Variants in HDAC9 observed in about 807,000 individuals in gnomAD.
HDAC9 encodes the protein MEF-2 interacting transcription repressor (MITR) protein.
Under a neutral mutation model 139.4 loss-of-function variants are expected in HDAC9, and 41 were observed. The ratio of observed to expected loss-of-function variants is 0.29; its 90% CI spans 0.23 to 0.38. HDAC9 has a LOEUF of 0.38. Among genes scored for constraint, HDAC9 ranks in the 10% least tolerant of loss-of-function variants. The pLI, the probability that HDAC9 is intolerant of heterozygous loss-of-function variation, is 1.00. For synonymous variants in HDAC9, 517 were observed against 476.2 expected (o/e 1.09, Z -1.12); for missense variants, 1,147 against 1,297.0 (o/e 0.88, Z 1.78).
chr7:18,307,274 C>A (rs1798987285), intron 1 of HDAC9, among the ~76,000 whole-genome samples: 1 of 151,984 alleles, frequency 6.6e-6, no homozygotes, highest in Non-Finnish European at 1.5e-5. Context: ...AACATTTATA[C>A]CTGTTAATCC....
chr7:18,779,553 G>C (rs1025403096), intron 16 of HDAC9, among the ~76,000 whole-genome samples: 1 of 151,968 alleles, frequency 6.6e-6, no homozygotes, highest in Non-Finnish European at 1.5e-5. Context: ...TATTTTAGAA[G>C]TATCCTGCCC....
At chr7:18,410,942 T>C (rs922493850) in intron 1 of HDAC9, among the ~76,000 whole-genome samples, 6 of 152,202 alleles carry the variant, frequency 3.9e-5, no homozygotes, top group African/African-American at 1.4e-4. Context: ...GTAAAAAAAA[T>C]AGCCTTATAG....
At chr7:18,741,730 A>G (rs1787479716) in intron 13 of HDAC9, among the ~76,000 whole-genome samples, 1 of 152,230 alleles carries the variant, frequency 6.6e-6, no homozygotes, top group East Asian at 1.9e-4. Context: ...AGCAATGTAC[A>G]TTGAAACCTT....
intron 23 of HDAC9, 64 bp downstream of exon 23, chr7:18,936,006 T>G (rs2129310127): frequency 2.0e-6 from 3 of 1,498,542 alleles, no homozygotes; most frequent in Middle Eastern, 3.6e-4. Flanking sequence ...TGCATATTTT[T>G]AAACTAAAAA....
intron 2 of HDAC9, among the ~76,000 whole-genome samples, chr7:18,200,800 A>T (rs1173322217): frequency 6.6e-6 from 1 of 152,036 alleles, no homozygotes; most frequent in African/African-American, 2.4e-5. Context: ...CGTTATTATA[A>T]TTTTTTCCCT....
intron 2 of HDAC9, among the ~76,000 whole-genome samples, chr7:18,271,955 G>A (rs1453707498): frequency 6.6e-6 from 1 of 152,146 alleles, no homozygotes; most frequent in Non-Finnish European, 1.5e-5. Context: ...ACATCTTTGA[G>A]AGGAAAGAGT....
At chr7:18,372,219 A>C (rs1302406017) in intron 1 of HDAC9, among the ~76,000 whole-genome samples, 1 of 152,228 alleles carries the variant, frequency 6.6e-6, no homozygotes, top group Non-Finnish European at 1.5e-5. Flanking sequence ...TGAGCTAGGC[A>C]GATTGAACAG....
chr7:18,455,899 A>G (rs962782263), intron 1 of HDAC9, among the ~76,000 whole-genome samples: 7 of 152,220 alleles, frequency 4.6e-5, no homozygotes, highest in African/African-American at 1.7e-4. Context: ...GCCAACCTTG[A>G]CATCAGCTAT....
intron 1 of HDAC9, among the ~76,000 whole-genome samples, chr7:18,473,863 T>C (rs1794912166): frequency 6.6e-6 from 1 of 152,212 alleles, no homozygotes; most frequent in Middle Eastern, 3.2e-3. Context: ...TTGGGTAAAG[T>C]CTAAGAGGAG....
chr7:18,374,589 G>T (rs1275634197), intron 1 of HDAC9, among the ~76,000 whole-genome samples: 1 of 150,828 alleles, frequency 6.6e-6, no homozygotes, highest in Non-Finnish European at 1.5e-5. Flanking sequence ...ACATTAAAAT[G>T]GCTACAACAT....
At chr7:18,426,337 C>T (rs1485236957) in intron 1 of HDAC9, among the ~76,000 whole-genome samples, 1 of 152,122 alleles carries the variant, frequency 6.6e-6, no homozygotes, top group Non-Finnish European at 1.5e-5. Flanking sequence ...TAAGTGGCGG[C>T]GTTTATGCAA....
chr7:18,207,831 C>T (rs1299059205), intron 2 of HDAC9, among the ~76,000 whole-genome samples: 1 of 152,040 alleles, frequency 6.6e-6, no homozygotes, highest in African/African-American at 2.4e-5. Flanking sequence ...TCTCCTGTCT[C>T]AGCCTTCTGA....
intron 6 of HDAC9, among the ~76,000 whole-genome samples, chr7:18,599,346 G>A (rs550489292): frequency 6.6e-6 from 1 of 152,230 alleles, no homozygotes; most frequent in East Asian, 1.9e-4. Flanking sequence ...GGTTTACTCT[G>A]TGTTGTAAGA....
intron 2 of HDAC9, among the ~76,000 whole-genome samples, chr7:18,228,026 A>C (rs531577454): frequency 6.6e-6 from 1 of 152,320 alleles, no homozygotes; most frequent in South Asian, 2.1e-4. Flanking sequence ...TCCAGAATAA[A>C]TCAAAATAAA....
intron 1 of HDAC9, among the ~76,000 whole-genome samples, chr7:18,477,686 G>A (rs1266699042): frequency 6.6e-6 from 1 of 152,016 alleles, no homozygotes; most frequent in Non-Finnish European, 1.5e-5. Context: ...TTACATAAGA[G>A]TTCCAGAATT....
chr7:18,935,060 G>A (rs75752371), intron 22 of HDAC9, among the ~76,000 whole-genome samples: 4,162 of 152,154 alleles, frequency 0.027, 77 homozygotes, highest in Middle Eastern at 0.041. Flanking sequence ...TTTTTATAAA[G>A]TTGAAAAACA....
intron 1 of HDAC9, among the ~76,000 whole-genome samples, chr7:18,376,688 G>A (rs1785017192): frequency 6.6e-6 from 1 of 152,024 alleles, no homozygotes. Flanking sequence ...TGAAGCTAAG[G>A]TCCAGTTAAT....
At chr7:18,813,858 A>G (rs1794370672) in intron 17 of HDAC9, among the ~76,000 whole-genome samples, 2 of 152,216 alleles carry the variant, frequency 1.3e-5, no homozygotes, top group African/African-American at 4.8e-5. Context: ...TTTTTTGTTC[A>G]GGTACCAAGA....
At chr7:18,102,620 G>A (rs1049083938) in intron 1 of HDAC9, among the ~76,000 whole-genome samples, 7 of 152,190 alleles carry the variant, frequency 4.6e-5, no homozygotes, top group Non-Finnish European at 1.0e-4. Context: ...GAGACTGTTA[G>A]TTGTCTCCTA....
Sources: gnomAD v4.1 joint callset for allele counts (sites outside exome capture counted in the v4.1 genomes callset) on GRCh38, gnomAD v4.1.1 for gene constraint, MANE v1.5 for transcripts, NCBI Gene and HGNC (gene_info 2026-07-23, HGNC 2026-07-21) for gene names.